ROR2: variants seen among roughly 807,000 people sequenced by gnomAD.
The protein encoded by ROR2 is ROR family WNT receptor 2, also known as tyrosine-protein kinase transmembrane receptor ROR2.
Under a neutral mutation model 74.9 loss-of-function variants are expected in ROR2, and 33 were observed. The ratio of observed to expected loss-of-function variants is 0.44; its 90% CI spans 0.33 to 0.59. The LOEUF is 0.59. Among genes scored for constraint, ROR2 ranks in the 20% least tolerant of loss-of-function variants. ROR2 has a pLI of 0.02. For synonymous variants in ROR2, 586 were observed against 558.7 expected (o/e 1.05, Z -0.69); for missense variants, 1,216 against 1,313.8 (o/e 0.93, Z 1.15).
intron 2 of ROR2, among the ~76,000 whole-genome samples, chr9:91,759,634 AGTG>A (rs1825854892): frequency 6.6e-6 from 1 of 152,114 alleles, no homozygotes; most frequent in South Asian, 2.1e-4. Context: ...GACGATGTGA[AGTG>A]GTGGTTTTGA....
intron 1 of ROR2, among the ~76,000 whole-genome samples, chr9:91,866,879 T>C (rs1202625107): frequency 6.6e-6 from 1 of 152,152 alleles, no homozygotes; most frequent in Non-Finnish European, 1.5e-5. Flanking sequence ...TAACCCAATT[T>C]TGGGGAGAAA....
chr9:91,901,086 A>G (rs570867113), intron 1 of ROR2, among the ~76,000 whole-genome samples: 2 of 152,308 alleles, frequency 1.3e-5, no homozygotes, highest in East Asian at 3.9e-4. Context: ...CCTCCACTCC[A>G]CCATCCTTCA....
rs1212294330 is a variant in ROR2, at chr9:91,856,617, G to A, written c.98-80799C>T. 1.9e-4 allele frequency among the ~76,000 whole-genome samples: 29 copies of A among 152,166 alleles called. 1 individual carries two copies. The highest frequency in any genetic ancestry group is 1.8e-3 in the Admixed American group (28 of 15,282). ...GAGAGGACAGCCAACTGCAAGCCAA[G>A]GAGCAAGGCCTCAGGAGAAACCAAC... On this transcript the variant is annotated intron_variant, in intron 1 of 8. Coordinates refer to ENST00000375708, the MANE Select transcript of ROR2 (RefSeq NM_004560.4).
At chr9:91,772,463 T>G (rs1288184728) in intron 2 of ROR2, among the ~76,000 whole-genome samples, 1 of 152,106 alleles carries the variant, frequency 6.6e-6, no homozygotes, top group Admixed American at 6.5e-5. Context: ...GGGGGAAGGG[T>G]GAAGCCACCA....
chr9:91,918,141 G>A (rs1451957172), intron 1 of ROR2, among the ~76,000 whole-genome samples: 3 of 152,076 alleles, frequency 2.0e-5, no homozygotes, highest in African/African-American at 4.8e-5. Context: ...GGTGGCAGGC[G>A]CCTGTAGTCC....
chr9:91,757,858 C>T (rs1182495152), intron 2 of ROR2, among the ~76,000 whole-genome samples: 1 of 152,172 alleles, frequency 6.6e-6, no homozygotes, highest in South Asian at 2.1e-4. Flanking sequence ...TGTTTAAAGA[C>T]ACCATATTCA....
chr9:91,886,555 G>T (rs574913989), intron 1 of ROR2: 38 of 152,646 alleles, frequency 2.5e-4, no homozygotes, highest in African/African-American at 9.1e-4. Context: ...CCTCACGAGG[G>T]GACCCGCGAC....
At chr9:91,785,921 C>CA (rs901435521) in intron 1 of ROR2, among the ~76,000 whole-genome samples, 1 of 152,102 alleles carries the variant, frequency 6.6e-6, no homozygotes, top group African/African-American at 2.4e-5. Context: ...TCCAAAGAAA[C>CA]TCCCATAACT....
At chr9:91,936,728 TC>T (rs1319348614) in intron 1 of ROR2, among the ~76,000 whole-genome samples, 1 of 152,096 alleles carries the variant, frequency 6.6e-6, no homozygotes, top group Non-Finnish European at 1.5e-5. Flanking sequence ...ACCTCAACAA[TC>T]TTTTAGATTT....
At chr9:91,904,205 C>G (rs1830752946) in intron 1 of ROR2, among the ~76,000 whole-genome samples, 1 of 151,888 alleles carries the variant, frequency 6.6e-6, no homozygotes, top group South Asian at 2.1e-4. Flanking sequence ...CACACCCGGG[C>G]CCAGGTCATC....
At chr9:91,726,766 G>A in intron 7 of ROR2, 23 bp from the exon 8 acceptor site, 1 of 1,611,492 alleles carries the variant, frequency 6.2e-7, no homozygotes, top group Non-Finnish European at 8.5e-7. Context: ...AGGCTTTCGT[G>A]ATTTTTCAGA....
rs141898662 is a variant in ROR2 at position 91,855,388 on chromosome 9, G to A, written c.98-79570C>T. On this transcript the variant is annotated intron_variant, in intron 1 of 8. Transcript: ENST00000375708. The stretch of plus-strand genomic sequence containing the variant: ...ACTCAGCCCAGAGAGATCAGGGCAC[G>A]GCGTTCGGCCCTCCCGCCAGGGCAG... 2.4e-3 allele frequency among the ~76,000 whole-genome samples: 362 copies of A among 152,360 alleles called. 1 individual carries two copies. The highest frequency in any genetic ancestry group is 8.4e-3 in the African/African-American group (349 of 41,596).
chr9:91,825,239 G>A (rs1476293847), intron 1 of ROR2, among the ~76,000 whole-genome samples: 1 of 152,194 alleles, frequency 6.6e-6, no homozygotes, highest in Non-Finnish European at 1.5e-5. Flanking sequence ...TAAAGTTAAA[G>A]CTTGCTCGAG....
chr9:91,821,787 C>T (rs941660523), intron 1 of ROR2, among the ~76,000 whole-genome samples: 1 of 152,206 alleles, frequency 6.6e-6, no homozygotes, highest in East Asian at 1.9e-4. Flanking sequence ...CCAGCCCCGG[C>T]GTCATTACAC....
chr9:91,739,882 C>T (rs900119617), intron 4 of ROR2, among the ~76,000 whole-genome samples: 2 of 152,248 alleles, frequency 1.3e-5, no homozygotes, highest in South Asian at 4.1e-4. Context: ...ATGGAAGTCA[C>T]CTCTGCCTGG....
In ROR2 at chr9:91,731,079, C is replaced by T. The variant is rs1287912665; in HGVS notation, c.1014G>A (p.Gln338=). 1.2e-6 allele frequency: 2 copies of T among 1,614,110 alleles called. No individual in the cohort carries two copies. Among genetic ancestry groups the T allele is most frequent in the East Asian group, 2.2e-5 (1 of 44,870 alleles). Residue 338 remains glutamine (Q), a synonymous_variant, in exon 7 of 9, where the codon CAG becomes CAA. Transcript: ENST00000375708. ...TGTGGGGGTGCTGCAGGGCCCACGG[C>T]TGGCACTGGTGGCCTGACTTGGTGG... ...ASTTKSGHQC[Q]PWALQHPHSH...
chr9:91,931,870 C>T (rs1299419393), intron 1 of ROR2, among the ~76,000 whole-genome samples: 1 of 152,146 alleles, frequency 6.6e-6, no homozygotes, highest in Middle Eastern at 3.2e-3. Context: ...ACTTGCCTTA[C>T]TTATAATAAA....
At chr9:91,945,001 A>G (rs1831975281) in intron 1 of ROR2, among the ~76,000 whole-genome samples, 1 of 152,066 alleles carries the variant, frequency 6.6e-6, no homozygotes, top group South Asian at 2.1e-4. Flanking sequence ...GGCTTAGCCC[A>G]GGAGGTTAAG....
chr9:91,883,917 T>TG (rs1830196210), intron 1 of ROR2, among the ~76,000 whole-genome samples: 1 of 152,118 alleles, frequency 6.6e-6, no homozygotes. Flanking sequence ...TAGCATGAGT[T>TG]GCATCTGGAG....
Sources: allele counts gnomAD v4.1 joint callset (sites outside exome capture counted in the v4.1 genomes callset), GRCh38; gene constraint gnomAD v4.1.1; transcripts MANE v1.5; gene names NCBI Gene and HGNC (gene_info 2026-07-23, HGNC 2026-07-21).